VPS13C: variants seen among roughly 807,000 people sequenced by gnomAD.
VPS13C encodes intermembrane lipid transfer protein VPS13C.
Under a neutral mutation model 456.8 loss-of-function variants are expected in VPS13C, and 358 were observed. The ratio of observed to expected loss-of-function variants is 0.78; its 90% CI spans 0.72 to 0.86. The LOEUF (loss-of-function observed/expected upper bound fraction) is 0.86, where lower values mean the gene tolerates loss of function less well. Ranked by LOEUF, VPS13C falls within the 40% of genes least tolerant of loss-of-function variation. The pLI, the probability that VPS13C is intolerant of heterozygous loss-of-function variation, is 0.00. For synonymous variants in VPS13C, 1,578 were observed against 1,486.7 expected, an observed-to-expected ratio of 1.06 and a Z score of -1.41; for missense variants, 4,818 against 4,385.4, an observed-to-expected ratio of 1.10 and a Z score of -2.79.
chr15:61,909,096 A>C lies in VPS13C; in HGVS notation c.8874T>G (p.Thr2958=), dbSNP rs2043226159. 1.2e-6 allele frequency: 2 copies of C among 1,613,712 alleles called. No individual in the cohort carries two copies. Among genetic ancestry groups the C allele is most frequent in the African/African-American group, 1.3e-5 (1 of 74,828 alleles). ...AAGTTATGACAGTTGAATGTTCGGC[A>C]GTGTTTACATCCACCAAGATACCCC... ...LNGGILVDVN[T]AEHSTVITFS... Residue 2958 remains threonine, a synonymous_variant, in exon 65 of 85, where the codon ACT becomes ACG. Coordinates refer to ENST00000644861, the MANE Select transcript of VPS13C (RefSeq NM_020821.3).
Position 62,060,403 on chromosome 15 carries a change from G to T in VPS13C, c.-29C>A, listed in dbSNP as rs763658803. The T allele has an allele frequency of 2.3e-6, 3 of 1,294,250 alleles. No individual in the cohort carries two copies. The highest frequency in any genetic ancestry group is 2.5e-5 in the South Asian group (2 of 80,426). The allele number at this position is 1,294,250 out of a possible 1,614,324, so 80.2% of individuals were successfully genotyped here. ...GGCGCTGAGGCACAAGGAGAGGGAG[G>T]AGCCGGAACCGCCCGGCGCAGCTGA... On this transcript the variant is annotated 5_prime_UTR_variant, in exon 1 of 85. Coordinates refer to ENST00000644861, the MANE Select transcript of VPS13C (RefSeq NM_020821.3).
rs144395823 is a variant in VPS13C, at chr15:61,916,017, T to G, written c.8061A>C (p.Thr2687=). The G allele has an allele frequency of 4.2e-5, 65 of 1,557,116 alleles. No homozygotes were observed. The highest frequency in any genetic ancestry group is 2.2e-4 in the Admixed American group (11 of 50,056). ...CTTCTGCCAGCTCATGAGTTTCTGC[T>G]GTTCCCTAAAAACAAACAAAAATTC... ...PYSLRYLLEG[T]AETHELAEGS... Residue 2687 remains threonine, a synonymous_variant, in exon 61 of 85, where the codon ACA becomes ACC. Transcript: ENST00000644861.
chr15:61,935,280 G>A (rs2044189705), intron 48 of VPS13C, among the ~76,000 whole-genome samples: 1 of 152,110 alleles, frequency 6.6e-6, no homozygotes, highest in Non-Finnish European at 1.5e-5. Flanking sequence ...CTTACGGACT[G>A]ATTCTATAAT....
At position 62,033,395 on chromosome 15, in the gene VPS13C, T is replaced by C. The variant is rs369738059; in HGVS notation, c.385+46A>G. On this transcript the variant is annotated intron_variant, in intron 5 of 84. Transcript: ENST00000644861. ...TCCTCTTTAAAGGATATTAATTATA[T>C]CTAAAATATAGGTATGTCTAAGTTT... The C allele has an allele frequency of 1.8e-4, 233 of 1,266,346 alleles. 1 individual carries two copies. Among genetic ancestry groups the C allele is most frequent in the Non-Finnish European group, 2.4e-4 (223 of 912,606 alleles). The allele number at this position is 1,266,346 out of a possible 1,614,324, so 78.4% of individuals were successfully genotyped here.
chr15:61,942,139 T>C, intron 45 of VPS13C, 72 bp from the exon 46 acceptor site: 1 of 1,344,270 alleles, frequency 7.4e-7, no homozygotes, highest in South Asian at 1.6e-5. Flanking sequence ...AAAAAGCATT[T>C]ACTTTAAAAA....
chr15:61,961,677 G>A lies in VPS13C; in HGVS notation c.3820C>T (p.Gln1274Ter). The A allele has an allele frequency of 6.2e-7, 1 of 1,613,088 alleles. No homozygotes were observed. The highest frequency in any genetic ancestry group is 1.7e-5 in the Admixed American group (1 of 59,926). ...VDLGLIRVHN[Q>*]FSLVSDEDYL... ...TCTTCATCAGACACCAGACTGAACTGATTATGAACTCTGATTAACCCAAGA... is the reference window on the plus strand; with the variant it reads ...TCTTCATCAGACACCAGACTGAACTAATTATGAACTCTGATTAACCCAAGA... The change falls in exon 35 of 85, where the codon CAG (glutamine) becomes TAG (stop). Residue 1274 changes from glutamine (Q) to a stop codon, truncating the protein, a stop_gained. Transcript: ENST00000644861. LOFTEE classifies it high-confidence loss of function.
At chr15:62,030,485 T>C (rs1438594001) in intron 5 of VPS13C, among the ~76,000 whole-genome samples, 1 of 152,070 alleles carries the variant, frequency 6.6e-6, no homozygotes, top group Admixed American at 6.6e-5. Flanking sequence ...GGCATCATGC[T>C]TCCTATACAG....
In VPS13C at chr15:61,925,464, T is replaced by C; in HGVS notation, c.6601A>G (p.Ile2201Val). The C allele has an allele frequency of 6.4e-7, 1 of 1,555,400 alleles. No homozygotes were observed. Among genetic ancestry groups the C allele is most frequent in the Non-Finnish European group, 8.7e-7 (1 of 1,144,740 alleles). The change falls in exon 53 of 85, where the codon ATA becomes GTA. Residue 2201 changes from isoleucine to valine, a missense_variant. Ile to Val is a conservative substitution (Grantham distance 29). This residue lies in a region of VPS13C where 4,552 missense variants were observed against 4,130.6 expected (regional missense o/e 1.10). Coordinates refer to ENST00000644861, the MANE Select transcript of VPS13C (RefSeq NM_020821.3). ...ATATGGTAAGTACTAACCTTAATTA[T>C]AAATTCTTTAACCATAATATTTATA... ...QNINIMVKEF[I>V]IKISPIILNT...
intron 20 of VPS13C, among the ~76,000 whole-genome samples, chr15:61,983,355 A>C (rs1181264433): frequency 6.6e-6 from 1 of 152,242 alleles, no homozygotes; most frequent in African/African-American, 2.4e-5. Context: ...AAAGTCATAG[A>C]TACAGAACCT....
chr15:61,933,848 A>C (rs1177784444), intron 49 of VPS13C, among the ~76,000 whole-genome samples: 1 of 152,080 alleles, frequency 6.6e-6, no homozygotes. Context: ...GTAAGGCTCC[A>C]AAGTCACTAC....
chr15:61,940,742 C>A lies in VPS13C; in HGVS notation c.5506G>T (p.Val1836Phe), dbSNP rs547778807. Residue 1836 changes from valine (V) to phenylalanine (F), a missense_variant, in exon 47 of 85, where the codon GTC (valine) becomes TTC (phenylalanine). Val to Phe is a conservative substitution (Grantham distance 50). Transcript: ENST00000644861. The stretch of plus-strand genomic sequence containing the variant: ...CGCTGTATGGACAAAAGCATGTTGA[C>A]TGGTTTTAAAATTTCAATGTCATTT... Reference protein sequence around the residue: ...PQNDIEILKPVNMLLSIQRNL... With the variant: ...PQNDIEILKPFNMLLSIQRNL... 8.1e-6 allele frequency: 13 copies of A among 1,613,642 alleles called. No homozygotes were observed. The South Asian group carries it at 1.2e-4, about 15-fold the overall frequency.
intron 1 of VPS13C, among the ~76,000 whole-genome samples, chr15:62,045,239 A>G (rs2048362757): frequency 6.6e-6 from 1 of 151,902 alleles, no homozygotes; most frequent in Non-Finnish European, 1.5e-5. Flanking sequence ...GGCTTAGCAG[A>G]GGGGACTGTG....
At position 61,853,704 on chromosome 15, in the gene VPS13C, C is replaced by T. The variant is rs1285143672; in HGVS notation, c.*753G>A. 6.6e-6 allele frequency: 1 copy of T among 152,126 alleles called. No homozygotes were observed. The highest frequency in any genetic ancestry group is 1.5e-5 in the Non-Finnish European group (1 of 68,020). 9.4% of individuals were successfully genotyped at this position (152,126 alleles called of 1,614,324 possible). A position where few individuals can be genotyped will look rare whatever the true frequency, so the allele number is the denominator to read the frequency against. ...CAGTTCAATTATTGAACAAATCACT[C>T]TTAAACAAAATGTCAGGATCCAACA... On this transcript the variant is annotated 3_prime_UTR_variant, in exon 85 of 85. Coordinates refer to ENST00000644861, the MANE Select transcript of VPS13C (RefSeq NM_020821.3).
At chr15:62,026,806 A>G (rs1015719272) in intron 6 of VPS13C, among the ~76,000 whole-genome samples, 3 of 152,104 alleles carry the variant, frequency 2.0e-5, no homozygotes, top group Admixed American at 2.0e-4. Flanking sequence ...TTCCTACTTC[A>G]TCAAGGGAAT....
intron 59 of VPS13C, among the ~76,000 whole-genome samples, chr15:61,917,880 T>TA (rs1567000590): frequency 6.6e-6 from 1 of 151,966 alleles, no homozygotes; most frequent in South Asian, 2.1e-4. Context: ...CAAGACAACT[T>TA]AAAAAAATTT....
At chr15:61,951,155 G>A (rs537909323) in intron 39 of VPS13C, 131 bp from the exon 40 acceptor site, 1 of 556,920 alleles carries the variant, frequency 1.8e-6, no homozygotes, top group African/African-American at 1.9e-5. Context: ...AGTGAAGTAT[G>A]TTCTGTATAA....
At position 62,007,454 on chromosome 15, in the gene VPS13C, G is replaced by T. The variant is rs376883209; in HGVS notation, c.1144C>A (p.Leu382Ile). The T allele has an allele frequency of 3.1e-6, 5 of 1,589,610 alleles. No individual in the cohort carries two copies. In the African/African-American group the frequency reaches 4.0e-5, roughly 13 times the overall value. Residue 382 changes from leucine to isoleucine, a missense_variant, in exon 15 of 85, where the codon CTT becomes ATT. Coordinates refer to ENST00000644861, the MANE Select transcript of VPS13C (RefSeq NM_020821.3). Reference protein sequence around the residue: ...RWWKYAIDSVLEVHIRRYTQM... With the variant: ...RWWKYAIDSVIEVHIRRYTQM... The stretch of plus-strand genomic sequence containing the variant: ...GTATACCTTCTTATATGAACTTCAA[G>T]AACAGAATCAATTGCATATTTCCAC...
intron 1 of VPS13C, among the ~76,000 whole-genome samples, chr15:62,059,874 G>C (rs921462857): frequency 6.6e-5 from 10 of 152,144 alleles, no homozygotes; most frequent in African/African-American, 1.9e-4. Flanking sequence ...GTGCCACTTC[G>C]AGCGTATATG....
At position 61,961,440 on chromosome 15, in the gene VPS13C, CACAA is replaced by C. The variant is rs2045203062; in HGVS notation, c.3908+145_3908+148del. The C allele has an allele frequency of 4.6e-5, 26 of 561,908 alleles. No homozygotes were observed. In the South Asian group the frequency reaches 5.6e-4, roughly 12 times the overall value. 34.8% of individuals were successfully genotyped at this position (561,908 alleles called of 1,614,324 possible). A position where few individuals can be genotyped will look rare whatever the true frequency, so the allele number is the denominator to read the frequency against. ...ACACACACACACACACACACACACA[CACAA>C]AACAATGACAACAATAAAAAAAACT... On this transcript the variant is annotated intron_variant, in intron 35 of 84. Transcript: ENST00000644861.
Sources: gnomAD v4.1 joint callset for allele counts (sites outside exome capture counted in the v4.1 genomes callset) on GRCh38, gnomAD v4.1.1 for gene constraint, gnomAD v4.1.1 regional missense constraint, MANE v1.5 for transcripts, NCBI Gene and HGNC (gene_info 2026-07-23, HGNC 2026-07-21) for gene names.